Variants in CACNA1A observed in about 807,000 individuals in gnomAD.
CACNA1A encodes voltage-dependent P/Q-type calcium channel subunit alpha-1A.
CACNA1A carries 57 observed loss-of-function variants against 262.4 expected under a neutral mutation model. The observed-to-expected ratio is 0.22, with a 90% CI of 0.18 to 0.27. The LOEUF (loss-of-function observed/expected upper bound fraction) is 0.27. Ranked by LOEUF, CACNA1A falls within the 10% of genes least tolerant of loss-of-function variation. CACNA1A has a pLI of 1.00. For synonymous variants in CACNA1A, 1,431 were observed against 1,419.3 expected (o/e 1.01, Z -0.18); for missense variants, 2,526 against 3,562.8 (o/e 0.71, Z 7.41).
At chr19:13,396,110 T>C (rs2059806861) in intron 3 of CACNA1A, among the ~76,000 whole-genome samples, 1 of 152,236 alleles carries the variant, frequency 6.6e-6, no homozygotes, top group Non-Finnish European at 1.5e-5. Context: ...CTCCAATTAA[T>C]ATGCCTTGTG....
chr19:13,397,300 C>T (rs2059826182), intron 3 of CACNA1A, among the ~76,000 whole-genome samples: 1 of 152,100 alleles, frequency 6.6e-6, no homozygotes, highest in African/African-American at 2.4e-5. Flanking sequence ...TGGGGAGAGA[C>T]ATTCTTCCAG....
In CACNA1A at chr19:13,335,908, C is replaced by T; in HGVS notation, c.980G>A (p.Ser327Asn). The T allele has an allele frequency of 6.3e-7, 1 of 1,589,298 alleles. No individual in the cohort carries two copies. The highest frequency in any genetic ancestry group is 8.6e-7 in the Non-Finnish European group (1 of 1,164,108). The change falls in exon 7 of 47, where the codon AGC becomes AAC. Residue 327 changes from serine to asparagine, a missense_variant and splice_region_variant. This residue lies in a region of CACNA1A where 52 missense variants were observed against 124.0 expected (regional missense o/e 0.42). Transcript: ENST00000360228. ...CCAAGTGTTCCCTGAGGCATCGTTG[C>T]TCTGTAGGGTGTGAGGAGGGAAAGC... ...MEGWTDLLYN[S>N]NDASGNTWNW...
In CACNA1A at chr19:13,224,746, G is replaced by A. The variant is rs17846921; in HGVS notation, c.5652C>T (p.Val1884=). The part of the protein sequence containing the change: ...YKRLLRMDLP[V]ADDNTVHFNS... Reference sequence around the variant, plus strand: ...TGAAGTGGACGGTGTTGTCATCTGCGACGGGCAGGTCCATCCGCAGAAGCC... The same window carrying A: ...TGAAGTGGACGGTGTTGTCATCTGCAACGGGCAGGTCCATCCGCAGAAGCC... Residue 1884 remains valine, a synonymous_variant, in exon 38 of 47, where the codon GTC becomes GTT. Coordinates refer to ENST00000360228, the MANE Select transcript of CACNA1A (RefSeq NM_001127222.2). 333 of 1,610,014 alleles carry A rather than the reference G, an allele frequency of 2.1e-4. 2 individuals carry two copies. In the East Asian group the frequency reaches 4.0e-3, roughly 19 times the overall value.
intron 24 of CACNA1A, among the ~76,000 whole-genome samples, chr19:13,264,785 T>C (rs2056823799): frequency 6.6e-6 from 1 of 152,198 alleles, no homozygotes; most frequent in African/African-American, 2.4e-5. Flanking sequence ...AGTTAATCTT[T>C]GTTTGTTTCT....
At chr19:13,435,975 C>A (rs765067596) in intron 3 of CACNA1A, among the ~76,000 whole-genome samples, 4 of 152,132 alleles carry the variant, frequency 2.6e-5, no homozygotes, top group Non-Finnish European at 5.9e-5. Flanking sequence ...CAGGGATGCA[C>A]CACCAAACCC....
chr19:13,209,228 C>T lies in CACNA1A; in HGVS notation c.6526+84G>A, dbSNP rs73509459. ...CATGGAGGCCTCTCCCTTTCTTCTT[C>T]CTTAGTGTCTCCTCCGCCCTGCCTT... is the stretch of plus-strand genomic sequence containing the variant. On this transcript the variant is annotated intron_variant, in intron 45 of 46. Transcript: ENST00000360228. 6,042 of 1,405,598 alleles carry T rather than the reference C, an allele frequency of 4.3e-3. 208 individuals carry two copies. The African/African-American group carries it at 0.078, about 18-fold the overall frequency. 87.1% of individuals were successfully genotyped at this position (1,405,598 alleles called of 1,614,324 possible). A position where few individuals can be genotyped will look rare whatever the true frequency, so the allele number is the denominator to read the frequency against.
Position 13,208,804 on chromosome 19 carries a change from G to T in CACNA1A, c.6732C>A (p.Arg2244=). ...GGCCCTCGCTGGGCGAGCGGGACCA[G>T]CGCTGGTCCCGAGCCCGTGCCCGGC... ...DHGRARARDQ[R]WSRSPSEGRE... Residue 2244 remains arginine, a synonymous_variant, in exon 46 of 47, where the codon CGC becomes CGA. Transcript: ENST00000360228. The T allele has an allele frequency of 1.3e-6, 2 of 1,551,938 alleles. No individual in the cohort carries two copies. Among genetic ancestry groups the T allele is most frequent in the Non-Finnish European group, 8.6e-7 (1 of 1,157,742 alleles).
intron 3 of CACNA1A, among the ~76,000 whole-genome samples, chr19:13,403,086 G>A (rs1168725757): frequency 6.6e-6 from 1 of 151,206 alleles, no homozygotes; most frequent in East Asian, 1.9e-4. Context: ...CTTGAGCACA[G>A]CACTCCCAAA....
chr19:13,504,965 T>TAA (rs113892561), intron 1 of CACNA1A, among the ~76,000 whole-genome samples: 3 of 146,738 alleles, frequency 2.0e-5, no homozygotes, highest in African/African-American at 7.5e-5. Context: ...GATCTTTGAT[T>TAA]AAAAAAAAAA....
At chr19:13,245,146 C>T in intron 31 of CACNA1A, 36 bp downstream of exon 31, 1 of 1,554,804 alleles carries the variant, frequency 6.4e-7, no homozygotes, top group Non-Finnish European at 8.9e-7. Context: ...TCGTCCAGCC[C>T]AGAGTCACCC....
chr19:13,344,539 G>C (rs577110171), intron 6 of CACNA1A, among the ~76,000 whole-genome samples: 1 of 152,040 alleles, frequency 6.6e-6, no homozygotes, highest in African/African-American at 2.4e-5. Flanking sequence ...TTCCCAGCAC[G>C]TTCCACTGTC....
chr19:13,354,434 G>T (rs1197293294), intron 6 of CACNA1A, among the ~76,000 whole-genome samples: 1 of 152,184 alleles, frequency 6.6e-6, no homozygotes, highest in Non-Finnish European at 1.5e-5. Flanking sequence ...CTAGCCCAAG[G>T]GAGATGGCTG....
At chr19:13,347,423 A>G (rs1437993796) in intron 6 of CACNA1A, among the ~76,000 whole-genome samples, 1 of 151,756 alleles carries the variant, frequency 6.6e-6, no homozygotes, top group Non-Finnish European at 1.5e-5. Context: ...CAAACTCTCT[A>G]CTGTTTTATT....
At chr19:13,448,216 C>T (rs10419045) in intron 3 of CACNA1A, among the ~76,000 whole-genome samples, 32,536 of 151,910 alleles carry the variant, frequency 0.21, 4,379 homozygotes, top group African/African-American at 0.38. Flanking sequence ...GGAACACGGA[C>T]GGAGCTGGAG....
intron 3 of CACNA1A, among the ~76,000 whole-genome samples, chr19:13,395,836 C>G (rs1440203023): frequency 1.3e-5 from 2 of 151,700 alleles, no homozygotes; most frequent in Non-Finnish European, 2.9e-5. Context: ...AGAGCCCCCC[C>G]TCCATTCCAG....
chr19:13,463,753 A>C (rs568117443), intron 1 of CACNA1A, among the ~76,000 whole-genome samples: 1 of 152,226 alleles, frequency 6.6e-6, no homozygotes, highest in Non-Finnish European at 1.5e-5. Context: ...ATTATCCAAC[A>C]ATGTCCAACA....
intron 3 of CACNA1A, among the ~76,000 whole-genome samples, chr19:13,400,461 T>A (rs1272368309): frequency 1.1e-4 from 17 of 152,182 alleles, no homozygotes; most frequent in Admixed American, 1.1e-3. Flanking sequence ...ACTGTCCAGA[T>A]CCCATCTGCT....
At chr19:13,391,387 A>G (rs1367515114) in intron 3 of CACNA1A, among the ~76,000 whole-genome samples, 1 of 152,104 alleles carries the variant, frequency 6.6e-6, no homozygotes, top group East Asian at 1.9e-4. Flanking sequence ...AACCTTCTAC[A>G]TGGAGAGCAA....
At chr19:13,330,442 C>T (rs1047535610) in intron 9 of CACNA1A, 109 bp from the exon 10 acceptor site, 47 of 798,806 alleles carry the variant, frequency 5.9e-5, no homozygotes, top group African/African-American at 2.2e-4. Context: ...ACTGTTCTCA[C>T]GGGAACTAAT....
Sources: gnomAD v4.1 joint callset for allele counts (sites outside exome capture counted in the v4.1 genomes callset) on GRCh38, gnomAD v4.1.1 for gene constraint, gnomAD v4.1.1 regional missense constraint, MANE v1.5 for transcripts, NCBI Gene and HGNC (gene_info 2026-07-23, HGNC 2026-07-21) for gene names.